Variants in NFXL1 observed in about 807,000 individuals in gnomAD.
NFXL1 encodes nuclear transcription factor, X-box binding like 1.
In NFXL1, 66 loss-of-function variants were observed where a neutral mutation model predicts 123.3. The observed-to-expected ratio is 0.54, with a 90% CI of 0.44 to 0.66. The LOEUF is 0.66. NFXL1 is among the 30% of genes least tolerant of loss of function. The pLI, the probability that NFXL1 is intolerant of heterozygous loss-of-function variation, is 0.00. For missense variants in NFXL1, 944 were observed against 1,125.6 expected (o/e 0.84, Z 2.31); for synonymous variants, 346 against 360.8 (o/e 0.96, Z 0.46).
intron 2 of NFXL1, 30 bp from the exon 3 acceptor site, chr4:47,911,024 C>T (rs771099945): frequency 3.7e-6 from 5 of 1,339,424 alleles, no homozygotes; most frequent in Non-Finnish European, 5.1e-6. Context: ...TTCATTTCTG[C>T]AAAACAATCT....
intron 15 of NFXL1, chr4:47,882,298 G>A (rs1338229694): frequency 2.6e-5 from 4 of 152,130 alleles, no homozygotes; most frequent in African/African-American, 7.2e-5. Context: ...GTGGAGCTTC[G>A]GAGAAGTTTC....
intron 5 of NFXL1, 59 bp from the exon 6 acceptor site, chr4:47,899,607 C>G: frequency 9.7e-7 from 1 of 1,030,712 alleles, no homozygotes; most frequent in Non-Finnish European, 1.5e-6. Flanking sequence ...ACATGAGAGA[C>G]AGAAATATAC....
intron 12 of NFXL1, among the ~76,000 whole-genome samples, chr4:47,886,444 T>C (rs1220363503): frequency 6.6e-6 from 1 of 152,078 alleles, no homozygotes; most frequent in Admixed American, 6.6e-5. Context: ...CACAGCTCAG[T>C]GCAGCCTCAA....
At chr4:47,891,392 A>G (rs1736762434) in intron 11 of NFXL1, among the ~76,000 whole-genome samples, 1 of 152,150 alleles carries the variant, frequency 6.6e-6, no homozygotes, top group East Asian at 1.9e-4. Context: ...GATTATAGAC[A>G]TAAGCCACTG....
chr4:47,908,342 T>G (rs1353347429), intron 3 of NFXL1, among the ~76,000 whole-genome samples: 1 of 152,072 alleles, frequency 6.6e-6, no homozygotes, highest in Non-Finnish European at 1.5e-5. Flanking sequence ...GAGGGTCACT[T>G]GAGCTCAGTA....
At chr4:47,866,339 G>A (rs1338472471) in intron 18 of NFXL1, among the ~76,000 whole-genome samples, 1 of 152,164 alleles carries the variant, frequency 6.6e-6, no homozygotes, top group Non-Finnish European at 1.5e-5. Flanking sequence ...CCTCTTCTCA[G>A]TACCACCCTC....
Position 47,884,372 on chromosome 4 carries a change from A to T in NFXL1, c.1890T>A (p.Cys630Ter). 1 of 1,605,936 alleles carries T rather than the reference A, an allele frequency of 6.2e-7. No homozygotes were observed. The highest frequency in any genetic ancestry group is 8.5e-7 in the Non-Finnish European group (1 of 1,173,682). Reference protein sequence around the residue: ...EPAFIQTALPCPPCQVPIPME... With the variant: ...EPAFIQTALP ...TAGGAATAGGAACTTGACATGGAGG[A>T]CACGGTAATGCAGTCTGAATAAATG... Residue 630 changes from cysteine (C) to a stop codon, truncating the protein, a stop_gained, in exon 15 of 23, where the codon TGT becomes TGA. Coordinates refer to ENST00000507489, the MANE Select transcript of NFXL1 (RefSeq NM_001278624.2). LOFTEE classifies it high-confidence loss of function.
chr4:47,861,245 C>T (rs1046990160), intron 19 of NFXL1, among the ~76,000 whole-genome samples: 4 of 152,148 alleles, frequency 2.6e-5, no homozygotes, highest in Admixed American at 1.3e-4. Context: ...TCACCAACGT[C>T]AAGAGACCAT....
intron 22 of NFXL1, 88 bp from the exon 23 acceptor site, chr4:47,848,424 G>A (rs1484535011): frequency 1.0e-6 from 1 of 972,634 alleles, no homozygotes; most frequent in Admixed American, 2.4e-5. Context: ...TTTGGGTAAT[G>A]TTTTAATAGT....
chr4:47,862,407 G>A (rs952478698), intron 19 of NFXL1, among the ~76,000 whole-genome samples: 1 of 152,098 alleles, frequency 6.6e-6, no homozygotes, highest in Non-Finnish European at 1.5e-5. Flanking sequence ...AAATGCTGTG[G>A]ATATGAATAG....
intron 13 of NFXL1, 67 bp downstream of exon 13, chr4:47,885,812 T>C: frequency 1.3e-6 from 2 of 1,548,018 alleles, no homozygotes; most frequent in Non-Finnish European, 1.8e-6. Flanking sequence ...ATTAAATTAT[T>C]AAAAGCCAAT....
chr4:47,860,283 T>C (rs1313400831), intron 19 of NFXL1, among the ~76,000 whole-genome samples: 1 of 152,176 alleles, frequency 6.6e-6, no homozygotes, highest in African/African-American at 2.4e-5. Context: ...TGAAGCCCCA[T>C]ACCATGTAAA....
chr4:47,851,417 A>G (rs1167634939), intron 21 of NFXL1, among the ~76,000 whole-genome samples: 1 of 152,150 alleles, frequency 6.6e-6, no homozygotes, highest in Admixed American at 6.5e-5. Flanking sequence ...CAAAGAGTTA[A>G]AACACTGTAA....
chr4:47,910,735 C>A (rs940260199), intron 3 of NFXL1, 89 bp downstream of exon 3: 2 of 708,250 alleles, frequency 2.8e-6, no homozygotes, highest in African/African-American at 1.8e-5. Context: ...GATATAAAAT[C>A]TATTCCATAT....
chr4:47,886,582 C>G (rs576880402), intron 12 of NFXL1, among the ~76,000 whole-genome samples: 2 of 152,134 alleles, frequency 1.3e-5, no homozygotes, highest in East Asian at 3.9e-4. Flanking sequence ...GTCATCCAGG[C>G]TGGTCTCAAA....
chr4:47,902,687 GATTT>G (rs1452525922), intron 5 of NFXL1, among the ~76,000 whole-genome samples: 1 of 152,052 alleles, frequency 6.6e-6, no homozygotes, highest in African/African-American at 2.4e-5. Flanking sequence ...AAGTCTGGAT[GATTT>G]ATTAGTTATC....
intron 18 of NFXL1, among the ~76,000 whole-genome samples, chr4:47,865,661 G>C (rs1184456117): frequency 6.6e-6 from 1 of 152,080 alleles, no homozygotes; most frequent in Non-Finnish European, 1.5e-5. Context: ...AAATACCCTG[G>C]TAGACCACAG....
In NFXL1 at chr4:47,877,373, C is replaced by A. The variant is rs564773069; in HGVS notation, c.2079+1152G>T. Among the ~76,000 whole-genome samples, 48 of 152,146 alleles carry A rather than the reference C, an allele frequency of 3.2e-4. 2 individuals carry two copies. The highest frequency in any genetic ancestry group is 6.8e-3 in the Middle Eastern group (2 of 294). On this transcript the variant is annotated intron_variant, in intron 17 of 22. Coordinates refer to ENST00000507489, the MANE Select transcript of NFXL1 (RefSeq NM_001278624.2). ...GCAAGTCCATCTGTCAAATATCATA[C>A]GCAGTTCTCATTTAAAAAGAAAAAC...
At position 47,872,316 on chromosome 4, in the gene NFXL1, G is replaced by A. The variant is rs551029626; in HGVS notation, c.2246+2811C>T. On this transcript the variant is annotated intron_variant, in intron 18 of 22. Transcript: ENST00000507489. ...ATCTCTACTAAAAATACAAAAATTA[G>A]ATGGGTGTGGTGGCACGTGCCTGTA... is the stretch of plus-strand genomic sequence containing the variant. Among the ~76,000 whole-genome samples, 9 of 152,238 alleles carry A rather than the reference G, an allele frequency of 5.9e-5. No homozygotes were observed. In the South Asian group the frequency reaches 1.9e-3, roughly 32 times the overall value.
Sources: gnomAD v4.1 joint callset for allele counts (sites outside exome capture counted in the v4.1 genomes callset) on GRCh38, gnomAD v4.1.1 for gene constraint, MANE v1.5 for transcripts, NCBI Gene and HGNC (gene_info 2026-07-23, HGNC 2026-07-21) for gene names.